Variants in EXOC5 observed in about 807,000 individuals in gnomAD.
EXOC5 encodes the protein exocyst complex component 5.
In EXOC5, 17 loss-of-function variants were observed where a neutral mutation model predicts 90.8. The ratio of observed to expected loss-of-function variants is 0.19; its 90% CI spans 0.13 to 0.28. The LOEUF is 0.28. Among genes scored for constraint, EXOC5 ranks in the 10% least tolerant of loss-of-function variants. The probability of loss-of-function intolerance (pLI) is 1.00; values close to 1 mark genes in which losing one functional copy is unlikely to be tolerated. For synonymous variants in EXOC5, 260 were observed against 270.0 expected (o/e 0.96, Z 0.36); for missense variants, 569 against 830.6 (o/e 0.69, Z 3.87).
chr14:57,220,649 A>T, intron 13 of EXOC5, among the ~76,000 whole-genome samples: 1 of 152,070 alleles, frequency 6.6e-6, no homozygotes, highest in Non-Finnish European at 1.5e-5. Context: ...AAAAAGAAAA[A>T]ATTAGCTAGG....
intron 7 of EXOC5, among the ~76,000 whole-genome samples, chr14:57,234,529 GTGTGTGTGTA>G (rs1279194371): frequency 5.4e-5 from 8 of 147,426 alleles, no homozygotes; most frequent in African/African-American, 2.0e-4. Flanking sequence ...GTGTGTGTGT[GTGTGTGTGTA>G]TATATATATA....
intron 15 of EXOC5, among the ~76,000 whole-genome samples, chr14:57,214,272 G>C (rs1882909709): frequency 6.6e-6 from 1 of 152,056 alleles, no homozygotes; most frequent in South Asian, 2.1e-4. Context: ...AGGGTTGGGT[G>C]GGTCTTTTTT....
rs1884773879 is a variant in EXOC5 at position 57,268,641 on chromosome 14, G to A, written c.8C>T (p.Thr3Ile). 1.9e-6 allele frequency: 3 copies of A among 1,590,806 alleles called. No individual in the cohort carries two copies. The highest frequency in any genetic ancestry group is 1.7e-5 in the Admixed American group (1 of 58,866). ...GCCCACCTCGAAGAGCTCGGCCGTG[G>A]TAGCCATCCCGGCCGGCTGAGAGGC... is the stretch of plus-strand genomic sequence containing the variant. The part of the protein sequence containing the change: MA[T>I]TAELFEEPFV... The change falls in exon 1 of 18, where the codon ACC becomes ATC. Residue 3 changes from threonine (T) to isoleucine (I), a missense_variant. Around this residue, in one of 9 missense-constraint regions of EXOC5, gnomAD observed 22 missense variants for 16.6 expected, o/e 1.33. Coordinates refer to ENST00000621441, the MANE Select transcript of EXOC5 (RefSeq NM_006544.4).
rs1882739599 is a variant in EXOC5 at position 57,208,902 on chromosome 14, G to GGTGAA, written c.1939-110_1939-106dup. On this transcript the variant is annotated intron_variant, in intron 17 of 17. Transcript: ENST00000621441. The stretch of plus-strand genomic sequence containing the variant: ...CTGTCAGGTGGGACTTACTAGTGTG[G>GGTGAA]GTGAAGTTCAACATATTAGAATTTT... The GGTGAA allele has an allele frequency of 7.6e-6, 5 of 660,216 alleles. No individual in the cohort carries two copies. In the East Asian group the frequency reaches 1.4e-4, roughly 18 times the overall value. 40.9% of individuals were successfully genotyped at this position (660,216 alleles called of 1,614,324 possible).
chr14:57,227,489 T>C (rs1443928600), intron 12 of EXOC5, among the ~76,000 whole-genome samples: 1 of 152,186 alleles, frequency 6.6e-6, no homozygotes, highest in Non-Finnish European at 1.5e-5. Context: ...GTTATGATGT[T>C]ATACATATCA....
intron 3 of EXOC5, 78 bp downstream of exon 3, chr14:57,246,633 T>C: frequency 3.1e-6 from 4 of 1,300,176 alleles, no homozygotes; most frequent in Non-Finnish European, 3.3e-6. Flanking sequence ...GACTAGACTT[T>C]TTTAAGAGCT....
At chr14:57,212,499 C>T (rs1882859524) in intron 15 of EXOC5, among the ~76,000 whole-genome samples, 1 of 152,222 alleles carries the variant, frequency 6.6e-6, no homozygotes, top group Admixed American at 6.5e-5. Context: ...TGCATTAGCA[C>T]ACTCTAGCAC....
At chr14:57,215,368 T>C (rs1450974282) in intron 15 of EXOC5, among the ~76,000 whole-genome samples, 1 of 148,784 alleles carries the variant, frequency 6.7e-6, no homozygotes. Context: ...AAGGACAATA[T>C]AGGAAAGAAA....
At chr14:57,250,030 C>T (rs1410443395) in intron 1 of EXOC5, among the ~76,000 whole-genome samples, 1 of 152,110 alleles carries the variant, frequency 6.6e-6, no homozygotes, top group Non-Finnish European at 1.5e-5. Flanking sequence ...CCTCAGCCTC[C>T]CAAAGTGCTG....
chr14:57,234,569 C>CTT (rs1196266019), intron 7 of EXOC5, among the ~76,000 whole-genome samples: 3 of 122,504 alleles, frequency 2.4e-5, no homozygotes, highest in Non-Finnish European at 5.3e-5. Context: ...ATATATATTT[C>CTT]TTTTTTTTTT....
chr14:57,201,495 TGTATATAC>T lies in EXOC5; in HGVS notation c.*7106_*7113del, dbSNP rs1882503675. 7.6e-6 allele frequency: 1 copy of T among 132,410 alleles called. No individual in the cohort carries two copies. The highest frequency in any genetic ancestry group is 1.5e-5 in the Non-Finnish European group (1 of 65,352). 8.2% of individuals were successfully genotyped at this position (132,410 alleles called of 1,614,324 possible). ...GTACACACACGTGTATAAACACACG[TGTATATAC>T]ACACACATATGTATATATATACACA... is the stretch of plus-strand genomic sequence containing the variant. On this transcript the variant is annotated 3_prime_UTR_variant, in exon 18 of 18. Transcript: ENST00000621441.
At position 57,220,737 on chromosome 14, in the gene EXOC5, T is replaced by C. The variant is rs535572215; in HGVS notation, c.1406-1295A>G. On this transcript the variant is annotated intron_variant, in intron 13 of 17. Coordinates refer to ENST00000621441, the MANE Select transcript of EXOC5 (RefSeq NM_006544.4). Reference sequence around the variant, plus strand: ...ATTGCTTGAGCCCAGGAGTTCAAAGTTGCCATGAGCCATGACTATGCCACT... The same window carrying C: ...ATTGCTTGAGCCCAGGAGTTCAAAGCTGCCATGAGCCATGACTATGCCACT... Among the ~76,000 whole-genome samples the C allele has an allele frequency of 9.8e-4, 149 of 152,214 alleles. 1 individual carries two copies. Among genetic ancestry groups the C allele is most frequent in the Middle Eastern group, 3.4e-3 (1 of 294 alleles).
intron 6 of EXOC5, 30 bp downstream of exon 6, chr14:57,237,306 TAA>T: frequency 8.4e-7 from 1 of 1,187,240 alleles, no homozygotes; most frequent in Non-Finnish European, 1.2e-6. Flanking sequence ...TTTTACTTAT[TAA>T]AAAAAAGGTA....
chr14:57,222,562 T>C (rs1666804233), intron 12 of EXOC5, 146 bp from the exon 13 acceptor site: 3 of 499,688 alleles, frequency 6.0e-6, no homozygotes, highest in Admixed American at 3.9e-5. Flanking sequence ...TGCGTGTGCA[T>C]GCACAAATAC....
chr14:57,260,392 A>C (rs1171962073), intron 1 of EXOC5, among the ~76,000 whole-genome samples: 1 of 152,202 alleles, frequency 6.6e-6, no homozygotes, highest in Non-Finnish European at 1.5e-5. Context: ...TTACTTTTTA[A>C]AATTAGTCAA....
chr14:57,238,375 TACACACACACAC>T (rs1183693696), intron 5 of EXOC5, among the ~76,000 whole-genome samples: 1 of 74,860 alleles, frequency 1.3e-5, no homozygotes, highest in Admixed American at 1.9e-4. Flanking sequence ...TATATATATA[TACACACACACAC>T]ACACACACAC....
rs150621611 is a variant in EXOC5, at chr14:57,245,196, T to C, written c.271-837A>G. Among the ~76,000 whole-genome samples the C allele has an allele frequency of 7.6e-3, 1,156 of 152,246 alleles. 18 individuals carry two copies. The highest frequency in any genetic ancestry group is 0.026 in the African/African-American group (1,096 of 41,540). ...AGGGTACACTGATTGTCCTGTGGCA[T>C]ATGGAAATTGAATGCAATGAATGCC... is the stretch of plus-strand genomic sequence containing the variant. On this transcript the variant is annotated intron_variant, in intron 3 of 17. Transcript: ENST00000621441.
rs774682375 is a variant in EXOC5, at chr14:57,208,682, T to C, written c.2054A>G (p.Lys685Arg). The C allele has an allele frequency of 2.3e-5, 37 of 1,612,562 alleles. 1 individual carries two copies. In the South Asian group the frequency reaches 4.0e-4, roughly 17 times the overall value. Residue 685 changes from lysine (K) to arginine (R), a missense_variant, in exon 18 of 18, where the codon AAG becomes AGG. Around this residue, in one of 9 missense-constraint regions of EXOC5, gnomAD observed 122 missense variants for 180.0 expected, o/e 0.68. Coordinates refer to ENST00000621441, the MANE Select transcript of EXOC5 (RefSeq NM_006544.4). ...CSGEQLANLD[K>R]NILHSFVQLR... ...TTGTACGAAGGAGTGAAGTATATTC[T>C]TGTCCAGATTAGCAAGTTGTTCTCC...
rs1883023242 is a variant in EXOC5 at position 57,218,031 on chromosome 14, T to G, written c.1564A>C (p.Lys522Gln). 26 of 1,571,694 alleles carry G rather than the reference T, an allele frequency of 1.7e-5. No individual in the cohort carries two copies. Among genetic ancestry groups the G allele is most frequent in the Non-Finnish European group, 2.2e-5 (25 of 1,143,426 alleles). Residue 522 changes from lysine to glutamine, a missense_variant, in exon 15 of 18, where the codon AAA (lysine) becomes CAA (glutamine). Transcript: ENST00000621441. The part of the protein sequence containing the change: ...PKLSECLQKK[K>Q]EIIEQMEMKL... Reference sequence around the variant, plus strand: ...ATCTCCATTTGTTCAATTATTTCTTTTTTCTTCTGAAGGCATTCAGATAAC... The same window carrying G: ...ATCTCCATTTGTTCAATTATTTCTTGTTTCTTCTGAAGGCATTCAGATAAC...
Sources: allele counts gnomAD v4.1 joint callset (sites outside exome capture counted in the v4.1 genomes callset), GRCh38; gene constraint gnomAD v4.1.1; regional missense constraint gnomAD v4.1.1; transcripts MANE v1.5; gene names NCBI Gene and HGNC (gene_info 2026-07-23, HGNC 2026-07-21).